Variants in ZCCHC2 observed in about 807,000 individuals in gnomAD.
The protein encoded by ZCCHC2 is zinc finger CCHC-type containing 2.
In ZCCHC2, 39 loss-of-function variants were observed where a neutral mutation model predicts 103.6. The ratio of observed to expected loss-of-function variants is 0.38; its 90% CI spans 0.29 to 0.49. The LOEUF (loss-of-function observed/expected upper bound fraction) is 0.49. Ranked by LOEUF, ZCCHC2 falls within the 20% of genes least tolerant of loss-of-function variation. The pLI, the probability that ZCCHC2 is intolerant of heterozygous loss-of-function variation, is 0.96. For synonymous variants in ZCCHC2, 687 were observed against 608.9 expected (o/e 1.13, Z -1.89); for missense variants, 1,483 against 1,491.0 (o/e 0.99, Z 0.09).
intron 12 of ZCCHC2, 119 bp from the exon 13 acceptor site, chr18:62,573,938 A>G (rs1176905245): frequency 2.8e-6 from 3 of 1,058,410 alleles, no homozygotes; most frequent in Non-Finnish European, 2.7e-6. Context: ...GACAGTCAGG[A>G]AACATAGAGG....
rs146769814 is a variant in ZCCHC2, at chr18:62,554,089, GTAAT to G, written c.1314-2112_1314-2109del. On this transcript the variant is annotated intron_variant, in intron 5 of 13. Transcript: ENST00000269499. Reference sequence around the variant, plus strand: ...TTTTAAAAAAATCTTGGATTCATTTGTAATTTATTTTGATGTAGGGAGTATGGCG... The same window carrying G: ...TTTTAAAAAAATCTTGGATTCATTTGTTATTTTGATGTAGGGAGTATGGCG... 6.4e-3 allele frequency among the ~76,000 whole-genome samples: 970 copies of G among 152,260 alleles called. 7 individuals carry two copies. The highest frequency in any genetic ancestry group is 0.022 in the African/African-American group (919 of 41,530).
Position 62,565,026 on chromosome 18 carries a change from C to G in ZCCHC2, c.1776C>G (p.Asn592Lys). The G allele has an allele frequency of 6.2e-7, 1 of 1,613,114 alleles. No homozygotes were observed. Among genetic ancestry groups the G allele is most frequent in the Non-Finnish European group, 8.5e-7 (1 of 1,179,330 alleles). Residue 592 changes from asparagine to lysine, a missense_variant, in exon 11 of 14, where the codon AAC (asparagine) becomes AAG (lysine). Asn to Lys is a moderately conservative substitution (Grantham distance 94, BLOSUM62 0). Transcript: ENST00000269499. ...TEKEKIKKTD[N>K]RLNSRINGIR... Reference sequence around the variant, plus strand: ...GGGAGAAAATTAAGAAAACTGACAACAGATTGAATAGTAGAATAAATGGTA... The same window carrying G: ...GGGAGAAAATTAAGAAAACTGACAAGAGATTGAATAGTAGAATAAATGGTA...
In ZCCHC2 at chr18:62,574,728, C is replaced by A; in HGVS notation, c.2647C>A (p.Pro883Thr). The A allele has an allele frequency of 1.9e-6, 3 of 1,614,006 alleles. No homozygotes were observed. The highest frequency in any genetic ancestry group is 2.5e-6 in the Non-Finnish European group (3 of 1,179,888). Residue 883 changes from proline (P) to threonine (T), a missense_variant, in exon 13 of 14, where the codon CCT becomes ACT. Transcript: ENST00000269499. ...AGTGGTAGGACTCAATCAAATGGTGCCTCAAATTGAGGGAAACACAGGGAC... is the reference window on the plus strand; with the variant it reads ...AGTGGTAGGACTCAATCAAATGGTGACTCAAATTGAGGGAAACACAGGGAC... ...SQVVGLNQMV[P>T]QIEGNTGTVP...
chr18:62,567,806 G>A (rs1158311116), intron 11 of ZCCHC2, among the ~76,000 whole-genome samples: 3 of 151,800 alleles, frequency 2.0e-5, no homozygotes, highest in Admixed American at 6.6e-5. Flanking sequence ...TTAGCCAGAT[G>A]TGGTGGTGCA....
chr18:62,570,988 C>A (rs1165428132), intron 12 of ZCCHC2, among the ~76,000 whole-genome samples: 1 of 152,176 alleles, frequency 6.6e-6, no homozygotes, highest in African/African-American at 2.4e-5. Flanking sequence ...TAGGCATGAG[C>A]AAAACGTTTT....
chr18:62,556,150 T>C (rs1024698066), intron 5 of ZCCHC2, 53 bp from the exon 6 acceptor site: 4 of 1,427,530 alleles, frequency 2.8e-6, no homozygotes, highest in Non-Finnish European at 3.8e-6. Flanking sequence ...ACTGAGCTTC[T>C]TGTGGATTAA....
chr18:62,530,933 TGTTA>T (rs1322242451), intron 1 of ZCCHC2, among the ~76,000 whole-genome samples: 2 of 152,374 alleles, frequency 1.3e-5, no homozygotes, highest in South Asian at 2.1e-4. Flanking sequence ...CATGATTCTT[TGTTA>T]GTTCAGAGCA....
At chr18:62,550,727 T>C (rs1367526554) in intron 5 of ZCCHC2, among the ~76,000 whole-genome samples, 1 of 152,236 alleles carries the variant, frequency 6.6e-6, no homozygotes, top group Non-Finnish European at 1.5e-5. Flanking sequence ...TTATATTCTT[T>C]ATAAAATACT....
chr18:62,546,455 A>G (rs1164033397), intron 4 of ZCCHC2, among the ~76,000 whole-genome samples: 1 of 152,238 alleles, frequency 6.6e-6, no homozygotes, highest in Non-Finnish European at 1.5e-5. Context: ...TAGACAAGTG[A>G]TCACGAACAG....
intron 2 of ZCCHC2, 22 bp from the exon 3 acceptor site, chr18:62,542,476 C>T (rs17729940): frequency 2.6e-6 from 4 of 1,547,174 alleles, no homozygotes; most frequent in African/African-American, 2.7e-5. Flanking sequence ...GCACAAGTCA[C>T]CGTGTGTTTT....
At chr18:62,530,571 G>T (rs1914633217) in intron 1 of ZCCHC2, among the ~76,000 whole-genome samples, 1 of 151,532 alleles carries the variant, frequency 6.6e-6, no homozygotes, top group Non-Finnish European at 1.5e-5. Flanking sequence ...TATATTCTCT[G>T]TTACCATCCC....
In ZCCHC2 at chr18:62,524,030, CA is replaced by C; in HGVS notation, c.610del (p.Ser204AlafsTer77). On this transcript the variant is annotated frameshift_variant, in exon 1 of 14. Transcript: ENST00000269499. LOFTEE classifies it high-confidence loss of function. Reference protein sequence around the residue: ...RLLPQVDSVLKSLRAARGEGS... With the variant: ...RLLPQVDSVLXSLRAARGEGS... ...TGCTACCCCAGGTGGACTCGGTGCTCAAAAGCCTGCGCGCGGCCCGGGGCGA... is the reference window on the plus strand; with the variant it reads ...TGCTACCCCAGGTGGACTCGGTGCTCAAAGCCTGCGCGCGGCCCGGGGCGA... 6.8e-7 allele frequency: 1 copy of C among 1,469,188 alleles called. No individual in the cohort carries two copies. Among genetic ancestry groups the C allele is most frequent in the Non-Finnish European group, 8.9e-7 (1 of 1,121,874 alleles). 91.0% of individuals were successfully genotyped at this position (1,469,188 alleles called of 1,614,324 possible). A position where few individuals can be genotyped will look rare whatever the true frequency, so the allele number is the denominator to read the frequency against.
Position 62,575,165 on chromosome 18 carries a change from G to C in ZCCHC2, c.3084G>C (p.Gln1028His). 2.5e-6 allele frequency: 4 copies of C among 1,614,032 alleles called. No homozygotes were observed. Among genetic ancestry groups the C allele is most frequent in the Non-Finnish European group, 3.4e-6 (4 of 1,179,894 alleles). ...RCSCGTNGNL[Q>H]LNSYYYPNPM... Reference sequence around the variant, plus strand: ...GCTGTGGGACCAATGGAAACCTTCAGCTAAATAGTTACTATTATCCTAATC... The same window carrying C: ...GCTGTGGGACCAATGGAAACCTTCACCTAAATAGTTACTATTATCCTAATC... The change falls in exon 13 of 14, where the codon CAG (glutamine) becomes CAC (histidine). Residue 1028 changes from glutamine (Q) to histidine (H), a missense_variant. Physicochemically the swap from Gln to His is conservative, Grantham distance 24. This residue lies in a region of ZCCHC2 where 884 missense variants were observed against 907.5 expected (regional missense o/e 0.97). Coordinates refer to ENST00000269499, the MANE Select transcript of ZCCHC2 (RefSeq NM_017742.6).
In ZCCHC2 at chr18:62,524,246, C is replaced by T. The variant is rs1041585800; in HGVS notation, c.822C>T (p.Phe274=). The part of the protein sequence containing the change: ...TMASLHPAFS[F]HQRVTLREHL... ...CCTCGCTGCACCCGGCTTTCTCCTT[C>T]CACCAGCGGGTCACCCTGAGGGAAC... The change falls in exon 1 of 14, where the codon TTC becomes TTT. Residue 274 remains phenylalanine (F), a synonymous_variant. Coordinates refer to ENST00000269499, the MANE Select transcript of ZCCHC2 (RefSeq NM_017742.6). 2 of 1,550,104 alleles carry T rather than the reference C, an allele frequency of 1.3e-6. No homozygotes were observed. The highest frequency in any genetic ancestry group is 2.7e-5 in the African/African-American group (2 of 72,978).
At chr18:62,525,150 A>G (rs1001464712) in intron 1 of ZCCHC2, 35 of 152,212 alleles carry the variant, frequency 2.3e-4, no homozygotes, top group Admixed American at 2.3e-3. Flanking sequence ...GTTCCGGGAT[A>G]TTTGTTGAGC....
intron 11 of ZCCHC2, among the ~76,000 whole-genome samples, chr18:62,565,697 G>A (rs1330392856): frequency 6.6e-6 from 1 of 151,994 alleles, no homozygotes; most frequent in Non-Finnish European, 1.5e-5. Context: ...TAATTGTAAC[G>A]ATTAAAAAAG....
intron 11 of ZCCHC2, 134 bp downstream of exon 11, chr18:62,565,230 A>G (rs1916308110): frequency 1.6e-6 from 1 of 620,112 alleles, no homozygotes; most frequent in Non-Finnish European, 2.7e-6. Flanking sequence ...TATGTACAGC[A>G]ATTTCCAAAT....
chr18:62,578,158 G>A lies in ZCCHC2; in HGVS notation c.*1579G>A, dbSNP rs1459722692. On this transcript the variant is annotated 3_prime_UTR_variant, in exon 14 of 14. Coordinates refer to ENST00000269499, the MANE Select transcript of ZCCHC2 (RefSeq NM_017742.6). ...TACATTTTGAAACTTTCTTTCAGGGGTGGGAGTTATGGGGAAGGGGTGGGT... is the reference window on the plus strand; with the variant it reads ...TACATTTTGAAACTTTCTTTCAGGGATGGGAGTTATGGGGAAGGGGTGGGT... 6.6e-6 allele frequency: 1 copy of A among 152,350 alleles called. No individual in the cohort carries two copies. Among genetic ancestry groups the A allele is most frequent in the Admixed American group, 6.6e-5 (1 of 15,264 alleles). 9.4% of individuals were successfully genotyped at this position (152,350 alleles called of 1,614,324 possible).
Position 62,550,361 on chromosome 18 carries a change from T to C in ZCCHC2, c.1214T>C (p.Leu405Pro), listed in dbSNP as rs768139336. 1.1e-5 allele frequency: 17 copies of C among 1,612,890 alleles called. No homozygotes were observed. The highest frequency in any genetic ancestry group is 1.4e-5 in the Non-Finnish European group (17 of 1,179,456). ...TTTCTTTTCTAGCTTCCAAAGGAAC[T>C]GTCTTCAGAGACTTTTGACAAGACC... The part of the protein sequence containing the change: ...QEFLLKLPKE[L>P]SSETFDKTIL... Residue 405 changes from leucine to proline, a missense_variant, in exon 5 of 14, where the codon CTG (leucine) becomes CCG (proline). This residue lies in a region of ZCCHC2 where 31 missense variants were observed against 58.4 expected (regional missense o/e 0.53). Coordinates refer to ENST00000269499, the MANE Select transcript of ZCCHC2 (RefSeq NM_017742.6).
Sources: gnomAD v4.1 joint callset for allele counts (sites outside exome capture counted in the v4.1 genomes callset) on GRCh38, gnomAD v4.1.1 for gene constraint, gnomAD v4.1.1 regional missense constraint, MANE v1.5 for transcripts, NCBI Gene and HGNC (gene_info 2026-07-23, HGNC 2026-07-21) for gene names.